Variants in KCNJ6 observed in about 807,000 individuals in gnomAD.
The protein encoded by KCNJ6 is G protein-activated inward rectifier potassium channel 2.
A neutral mutation model predicts 34.2 loss-of-function variants in KCNJ6; 9 were observed. That is an observed-to-expected ratio of 0.26 (90% CI 0.16 to 0.46). KCNJ6 has a LOEUF of 0.46. KCNJ6 is among the 20% of genes least tolerant of loss of function. The pLI, the probability that KCNJ6 is intolerant of heterozygous loss-of-function variation, is 1.00. For missense variants in KCNJ6, 236 were observed against 531.3 expected (o/e 0.44, Z 5.46); for synonymous variants, 196 against 207.1 (o/e 0.95, Z 0.46).
chr21:37,773,681 G>T (rs576324593), intron 2 of KCNJ6, among the ~76,000 whole-genome samples: 12 of 152,042 alleles, frequency 7.9e-5, no homozygotes, highest in Non-Finnish European at 1.6e-4. Context: ...TTCTCTAACT[G>T]CCCCAATGTG....
intron 2 of KCNJ6, among the ~76,000 whole-genome samples, chr21:37,806,513 T>G (rs969917745): frequency 6.6e-6 from 1 of 152,224 alleles, no homozygotes; most frequent in Non-Finnish European, 1.5e-5. Context: ...CGGGTCTTTA[T>G]GATTGTAAGG....
At chr21:37,636,929 T>C (rs564174687) in intron 3 of KCNJ6, among the ~76,000 whole-genome samples, 19 of 152,362 alleles carry the variant, frequency 1.2e-4, no homozygotes, top group Admixed American at 1.0e-3. Context: ...CAAACCACTC[T>C]CACCACTTCT....
intron 2 of KCNJ6, among the ~76,000 whole-genome samples, chr21:37,728,608 T>A (rs747794370): frequency 6.6e-6 from 1 of 152,170 alleles, no homozygotes; most frequent in Non-Finnish European, 1.5e-5. Context: ...ATGGTGGGAT[T>A]TTGCCATCAT....
rs371432862 is a variant in KCNJ6 at position 37,914,008 on chromosome 21, G to GGTGTGTGTGTGTGTGTGT, written c.-28+1858_-28+1875dup. On this transcript the variant is annotated intron_variant, in intron 1 of 3. Coordinates refer to ENST00000609713, the MANE Select transcript of KCNJ6 (RefSeq NM_002240.5). ...GCAACCCTCGTCAGAGGCGGATCGG[G>GGTGTGTGTGTGTGTGTGT]GTGTGTGTGTGTGTGTGTGTGTGTG... Among the ~76,000 whole-genome samples the GGTGTGTGTGTGTGTGTGT allele has an allele frequency of 2.9e-3, 397 of 135,568 alleles. 1 individual carries two copies. The highest frequency in any genetic ancestry group is 5.8e-3 in the East Asian group (24 of 4,116). 88.9% of individuals were successfully genotyped at this position (135,568 alleles called of 152,430 possible).
intron 2 of KCNJ6, among the ~76,000 whole-genome samples, chr21:37,733,455 G>A (rs1046936479): frequency 1.3e-5 from 2 of 152,074 alleles, no homozygotes; most frequent in African/African-American, 4.8e-5. Flanking sequence ...CTAGATTTGG[G>A]GTTTCAAAGA....
chr21:37,908,336 G>C (rs1305015234), intron 1 of KCNJ6, among the ~76,000 whole-genome samples: 1 of 152,188 alleles, frequency 6.6e-6, no homozygotes, highest in African/African-American at 2.4e-5. Context: ...CTCCTTGAGG[G>C]AAGCAGAGGT....
chr21:37,656,540 C>A (rs2054464968), intron 3 of KCNJ6, among the ~76,000 whole-genome samples: 1 of 152,230 alleles, frequency 6.6e-6, no homozygotes, highest in Admixed American at 6.5e-5. Context: ...GCATAGCAGC[C>A]TCCCTTGCCC....
chr21:37,798,367 T>C (rs1246441765), intron 2 of KCNJ6, among the ~76,000 whole-genome samples: 1 of 152,150 alleles, frequency 6.6e-6, no homozygotes, highest in Non-Finnish European at 1.5e-5. Flanking sequence ...GTCCCATGAG[T>C]CTCACTCCTA....
At chr21:37,842,408 C>A (rs2055485588) in intron 1 of KCNJ6, among the ~76,000 whole-genome samples, 1 of 152,216 alleles carries the variant, frequency 6.6e-6, no homozygotes, top group Admixed American at 6.5e-5. Context: ...CCTTATGACA[C>A]TGTTCTCAAA....
At position 37,888,136 on chromosome 21, in the gene KCNJ6, G is replaced by T. The variant is rs2055744718; in HGVS notation, c.-28+27748C>A. 2.6e-5 allele frequency among the ~76,000 whole-genome samples: 4 copies of T among 152,232 alleles called. No homozygotes were observed. The South Asian group carries it at 8.3e-4, about 32-fold the overall frequency. On this transcript the variant is annotated intron_variant, in intron 1 of 3. Transcript: ENST00000609713. ...GGCTGGCTATTCTGGACTTAGTGGG[G>T]TTGATGGGGATTGCAGGTGGTGTGT... is the stretch of plus-strand genomic sequence containing the variant.
intron 2 of KCNJ6, among the ~76,000 whole-genome samples, chr21:37,808,674 G>A (rs919157579): frequency 6.6e-6 from 1 of 152,138 alleles, no homozygotes; most frequent in Admixed American, 6.5e-5. Flanking sequence ...CCATTCTCCG[G>A]TCTTATGGAC....
chr21:37,801,850 T>C (rs1892598292), intron 2 of KCNJ6, among the ~76,000 whole-genome samples: 1 of 152,164 alleles, frequency 6.6e-6, no homozygotes, highest in Non-Finnish European at 1.5e-5. Context: ...TTGGTATTTC[T>C]CAAAGCCCCT....
At chr21:37,784,050 T>C (rs1329445038) in intron 2 of KCNJ6, among the ~76,000 whole-genome samples, 2 of 152,134 alleles carry the variant, frequency 1.3e-5, no homozygotes, top group Admixed American at 6.5e-5. Flanking sequence ...CAGTTTGGGG[T>C]ATTTTGTTAT....
intron 2 of KCNJ6, among the ~76,000 whole-genome samples, chr21:37,759,058 G>C (rs1157143376): frequency 6.6e-6 from 1 of 152,210 alleles, no homozygotes. Context: ...TCCTCCTCTT[G>C]ACAGCCTCCT....
At chr21:37,730,013 C>A (rs1485015303) in intron 2 of KCNJ6, among the ~76,000 whole-genome samples, 1 of 152,208 alleles carries the variant, frequency 6.6e-6, no homozygotes, top group African/African-American at 2.4e-5. Flanking sequence ...ACCTTGGGAT[C>A]CTAGGCTGTC....
intron 3 of KCNJ6, among the ~76,000 whole-genome samples, chr21:37,647,295 T>C (rs2054409821): frequency 6.6e-6 from 1 of 152,122 alleles, no homozygotes; most frequent in African/African-American, 2.4e-5. Flanking sequence ...GAGTGTCCTA[T>C]TAGACATAAA....
chr21:37,799,319 C>T (rs1448440578), intron 2 of KCNJ6, among the ~76,000 whole-genome samples: 3 of 152,178 alleles, frequency 2.0e-5, no homozygotes, highest in African/African-American at 7.2e-5. Flanking sequence ...CTTAGCCAGT[C>T]ACCCAACACA....
chr21:37,747,290 C>G (rs2835926), intron 2 of KCNJ6, among the ~76,000 whole-genome samples: 1 of 151,774 alleles, frequency 6.6e-6, no homozygotes, highest in Non-Finnish European at 1.5e-5. Flanking sequence ...GGGATTTATG[C>G]CTTGCCTTAG....
chr21:37,827,096 T>C (rs1013423062), intron 2 of KCNJ6, among the ~76,000 whole-genome samples: 2 of 152,162 alleles, frequency 1.3e-5, no homozygotes, highest in African/African-American at 2.4e-5. Context: ...ATAACCTGAA[T>C]TAAATAAATC....
Sources: allele counts gnomAD v4.1 joint callset (sites outside exome capture counted in the v4.1 genomes callset), GRCh38; gene constraint gnomAD v4.1.1; transcripts MANE v1.5; gene names NCBI Gene and HGNC (gene_info 2026-07-23, HGNC 2026-07-21).